The following OXSR1 variants were observed in gnomAD, a reference collection of about 807,000 sequenced individuals.
OXSR1 encodes the protein oxidative stress responsive kinase 1.
OXSR1 carries 24 observed loss-of-function variants against 79.8 expected under a neutral mutation model. That is an observed-to-expected ratio of 0.30 (90% CI 0.22 to 0.42). OXSR1 has a LOEUF of 0.42. Among genes scored for constraint, OXSR1 ranks in the 10% least tolerant of loss-of-function variants. OXSR1 has a pLI of 1.00. For missense variants in OXSR1, 430 were observed against 618.4 expected, an observed-to-expected ratio of 0.70 and a Z score of 3.23; for synonymous variants, 226 against 209.2, an observed-to-expected ratio of 1.08 and a Z score of -0.69.
Position 38,236,880 on chromosome 3 carries a change from A to G in OXSR1, c.993A>G (p.Thr331=). The G allele has an allele frequency of 6.2e-7, 1 of 1,612,950 alleles. No individual in the cohort carries two copies. The highest frequency in any genetic ancestry group is 8.5e-7 in the Non-Finnish European group (1 of 1,179,188). Residue 331 remains threonine, a synonymous_variant, in exon 11 of 18, where the codon ACA becomes ACG. Transcript: ENST00000311806. ...VPGSSGRLHK[T]EDGGWEWSDD... is the part of the protein sequence containing the mutation. Reference sequence around the variant, plus strand: ...GTTCCAGTGGGCGTCTTCATAAGACAGAGGATGGAGGCTGGGAGTGGAGTG... The same window carrying G: ...GTTCCAGTGGGCGTCTTCATAAGACGGAGGATGGAGGCTGGGAGTGGAGTG...
At chr3:38,248,049 G>A (rs1703179823) in intron 14 of OXSR1, among the ~76,000 whole-genome samples, 2 of 152,140 alleles carry the variant, frequency 1.3e-5, no homozygotes, top group African/African-American at 2.4e-5. Context: ...GTTTTTAGGG[G>A]AGCAGCACTA....
At chr3:38,172,744 G>A (rs1034280040) in intron 1 of OXSR1, among the ~76,000 whole-genome samples, 7 of 152,284 alleles carry the variant, frequency 4.6e-5, no homozygotes, top group African/African-American at 1.7e-4. Flanking sequence ...TTTCTATGAG[G>A]CCAGCATTGG....
chr3:38,214,699 A>G (rs1461619665), intron 4 of OXSR1, among the ~76,000 whole-genome samples: 1 of 152,246 alleles, frequency 6.6e-6, no homozygotes, highest in African/African-American at 2.4e-5. Flanking sequence ...AGAACTACCT[A>G]TAAATTGCTT....
At chr3:38,175,646 A>G (rs1701663493) in intron 1 of OXSR1, among the ~76,000 whole-genome samples, 1 of 152,214 alleles carries the variant, frequency 6.6e-6, no homozygotes, top group Non-Finnish European at 1.5e-5. Context: ...AGCGGAGAGA[A>G]ACTGAAATTT....
Position 38,179,431 on chromosome 3 carries a change from TGTTA to T in OXSR1, c.71-3570_71-3567del, listed in dbSNP as rs553287180. ...GTCCTCCCGCCTTGGCCTCCCAAAGTGTTAGGACTACAGGCGTGAGTCATTATTT... is the reference window on the plus strand; with the variant it reads ...GTCCTCCCGCCTTGGCCTCCCAAAGTGGACTACAGGCGTGAGTCATTATTT... On this transcript the variant is annotated intron_variant, in intron 1 of 17. Coordinates refer to ENST00000311806, the MANE Select transcript of OXSR1 (RefSeq NM_005109.3). 7.1e-3 allele frequency among the ~76,000 whole-genome samples: 1,075 copies of T among 152,234 alleles called. 18 individuals are homozygous for T. Among genetic ancestry groups the T allele is most frequent in the African/African-American group, 0.025 (1,031 of 41,526 alleles).
chr3:38,173,275 T>A (rs544822102), intron 1 of OXSR1, among the ~76,000 whole-genome samples: 21 of 152,316 alleles, frequency 1.4e-4, no homozygotes, highest in East Asian at 7.7e-4. Flanking sequence ...CATTTTTTTT[T>A]AAAATGAAAA....
At chr3:38,236,813 A>T in intron 10 of OXSR1, 26 bp from the exon 11 acceptor site, 1 of 1,578,848 alleles carries the variant, frequency 6.3e-7, no homozygotes, top group Non-Finnish European at 8.6e-7. Flanking sequence ...ATACCACCAT[A>T]ACCCACTTCT....
At chr3:38,237,776 T>G (rs1025944853) in intron 11 of OXSR1, among the ~76,000 whole-genome samples, 2 of 152,210 alleles carry the variant, frequency 1.3e-5, no homozygotes, top group Non-Finnish European at 2.9e-5. Flanking sequence ...TTGGAAACAC[T>G]GTTTAGAAGG....
chr3:38,192,312 G>T (rs938828846), intron 3 of OXSR1, among the ~76,000 whole-genome samples: 1 of 152,020 alleles, frequency 6.6e-6, no homozygotes, highest in African/African-American at 2.4e-5. Context: ...ATTCCCGAGG[G>T]TTATATTTGT....
chr3:38,169,169 T>A (rs1323209500), intron 1 of OXSR1, among the ~76,000 whole-genome samples: 1 of 152,230 alleles, frequency 6.6e-6, no homozygotes, highest in Non-Finnish European at 1.5e-5. Flanking sequence ...TGGTTTTGAT[T>A]TGCATTGCCC....
chr3:38,197,509 C>T (rs1702091077), intron 3 of OXSR1, among the ~76,000 whole-genome samples: 1 of 152,244 alleles, frequency 6.6e-6, no homozygotes, highest in African/African-American at 2.4e-5. Flanking sequence ...CATAGCTCCT[C>T]TGCAAGCACT....
intron 2 of OXSR1, among the ~76,000 whole-genome samples, chr3:38,184,548 A>T (rs1483059315): frequency 1.3e-5 from 2 of 152,268 alleles, no homozygotes; most frequent in African/African-American, 2.4e-5. Flanking sequence ...GAAGTCCAAT[A>T]TGAAGACCTA....
chr3:38,222,382 T>C (rs1223329177), intron 6 of OXSR1, among the ~76,000 whole-genome samples: 1 of 152,070 alleles, frequency 6.6e-6, no homozygotes, highest in Non-Finnish European at 1.5e-5. Flanking sequence ...GAAGATAAGA[T>C]TGGCTGACAC....
chr3:38,220,152 C>T (rs1702560809), intron 5 of OXSR1, among the ~76,000 whole-genome samples: 1 of 151,690 alleles, frequency 6.6e-6, no homozygotes, highest in Non-Finnish European at 1.5e-5. Context: ...TGCATTCAGA[C>T]AAGATTATTG....
At chr3:38,164,803 C>CA (rs934022861), upstream of OXSR1, among the ~76,000 whole-genome samples, 1 of 152,146 alleles carries the variant, frequency 6.6e-6, no homozygotes, top group African/African-American at 2.4e-5. Context: ...AGAACCCGCC[C>CA]AGTGCAGGGT....
intron 1 of OXSR1, among the ~76,000 whole-genome samples, chr3:38,178,228 G>C (rs373544400): frequency 1.2e-3 from 183 of 152,270 alleles, no homozygotes; most frequent in African/African-American, 4.3e-3. Context: ...TGGGATTACA[G>C]GTGTGAGCCA....
chr3:38,187,821 A>G (rs769805280), intron 2 of OXSR1, among the ~76,000 whole-genome samples: 2 of 152,084 alleles, frequency 1.3e-5, no homozygotes, highest in Non-Finnish European at 2.9e-5. Flanking sequence ...CCTGGGCTTA[A>G]GGGATCCTCC....
At chr3:38,185,565 G>A (rs541175465) in intron 2 of OXSR1, among the ~76,000 whole-genome samples, 8 of 152,278 alleles carry the variant, frequency 5.3e-5, no homozygotes, top group African/African-American at 1.7e-4. Context: ...CAGCTTGGGT[G>A]ACAGAGCAAG....
upstream of OXSR1, among the ~76,000 whole-genome samples, chr3:38,164,865 G>T (rs1047494830): frequency 6.6e-6 from 1 of 152,070 alleles, no homozygotes; most frequent in African/African-American, 2.4e-5. Context: ...CGTCCGCCTT[G>T]AAAAAAATGT....
Sources: allele counts gnomAD v4.1 joint callset (sites outside exome capture counted in the v4.1 genomes callset), GRCh38; gene constraint gnomAD v4.1.1; transcripts MANE v1.5; gene names NCBI Gene and HGNC (gene_info 2026-07-23, HGNC 2026-07-21).